The following ALPK2 variants were observed in gnomAD, a reference collection of about 807,000 sequenced individuals.
ALPK2 encodes the protein alpha kinase 2, also known as alpha-protein kinase 2.
In ALPK2, 127 loss-of-function variants were observed where a neutral mutation model predicts 163.1. The observed-to-expected ratio is 0.78, with a 90% CI of 0.67 to 0.90. The LOEUF is 0.90. Ranked by LOEUF, ALPK2 falls within the 40% of genes least tolerant of loss-of-function variation. ALPK2 has a pLI of 0.00. For synonymous variants in ALPK2, 953 were observed against 959.1 expected, an observed-to-expected ratio of 0.99 and a Z score of 0.12; for missense variants, 2,360 against 2,589.6, an observed-to-expected ratio of 0.91 and a Z score of 1.92.
intron 3 of ALPK2, among the ~76,000 whole-genome samples, chr18:58,590,218 TAAAA>T (rs11286325): frequency 1.1e-4 from 11 of 97,228 alleles, no homozygotes; most frequent in Admixed American, 2.2e-4. Flanking sequence ...AGGCTCCATC[TAAAA>T]AAAAAAAAAA....
At position 58,536,473 on chromosome 18, in the gene ALPK2, A is replaced by C; in HGVS notation, c.3714T>G (p.Ile1238Met). 4 of 1,614,020 alleles carry C rather than the reference A, an allele frequency of 2.5e-6. No individual in the cohort carries two copies. The highest frequency in any genetic ancestry group is 3.4e-6 in the Non-Finnish European group (4 of 1,180,022). ...GNWEAGNKLK[I>M]ITLEASASEI... ...CAGAAGCGGAAGCCTCTAGAGTTATAATCTTCAGCTTGTTGCCTGCCTCCC... is the reference window on the plus strand; with the variant it reads ...CAGAAGCGGAAGCCTCTAGAGTTATCATCTTCAGCTTGTTGCCTGCCTCCC... The change falls in exon 5 of 13, where the codon ATT becomes ATG. Residue 1238 changes from isoleucine (I) to methionine (M), a missense_variant. Transcript: ENST00000361673.
intron 8 of ALPK2, among the ~76,000 whole-genome samples, chr18:58,523,473 C>T (rs1342281818): frequency 1.3e-5 from 2 of 152,126 alleles, no homozygotes; most frequent in African/African-American, 4.8e-5. Flanking sequence ...AGTTCTAGAT[C>T]CCTGAGGAAT....
intron 11 of ALPK2, among the ~76,000 whole-genome samples, chr18:58,500,271 C>T (rs1053865548): frequency 2.1e-5 from 3 of 146,106 alleles, no homozygotes; most frequent in Non-Finnish European, 3.0e-5. Context: ...AAATTGCAAA[C>T]GCTGTCTCTG....
At chr18:58,517,917 TA>T (rs1568072348) in intron 8 of ALPK2, among the ~76,000 whole-genome samples, 1 of 152,108 alleles carries the variant, frequency 6.6e-6, no homozygotes, top group Non-Finnish European at 1.5e-5. Context: ...AAAGTAGAAT[TA>T]TTTTAAGTTT....
intron 4 of ALPK2, chr18:58,578,425 T>C (rs2051933252): frequency 6.1e-6 from 1 of 162,732 alleles, no homozygotes; most frequent in African/African-American, 2.4e-5. Flanking sequence ...CTTCTTCCTT[T>C]AAAGGCTACA....
intron 1 of ALPK2, among the ~76,000 whole-genome samples, chr18:58,627,204 A>T (rs1218559633): frequency 6.6e-6 from 1 of 152,234 alleles, no homozygotes; most frequent in African/African-American, 2.4e-5. Context: ...ACAAGTGTTC[A>T]GGAGGCTGTT....
At chr18:58,502,227 C>T (rs2051436130) in intron 11 of ALPK2, among the ~76,000 whole-genome samples, 1 of 151,544 alleles carries the variant, frequency 6.6e-6, no homozygotes, top group South Asian at 2.1e-4. Flanking sequence ...TGATGGCATA[C>T]TCCCGTAGTC....
chr18:58,543,432 G>A (rs2051701870), intron 4 of ALPK2: 1 of 985,104 alleles, frequency 1.0e-6, no homozygotes, highest in South Asian at 4.7e-5. Context: ...GTTGATACAG[G>A]CAGGAGGCTT....
chr18:58,562,263 C>G (rs548013318), intron 4 of ALPK2, among the ~76,000 whole-genome samples: 24 of 152,324 alleles, frequency 1.6e-4, no homozygotes, highest in African/African-American at 5.3e-4. Context: ...GATGGCAACA[C>G]TTCTGTTTCT....
intron 4 of ALPK2, among the ~76,000 whole-genome samples, chr18:58,538,731 A>G (rs888930330): frequency 2.0e-5 from 3 of 152,126 alleles, no homozygotes; most frequent in Non-Finnish European, 4.4e-5. Context: ...CCTCATGTTG[A>G]AATTTGATCC....
At chr18:58,559,710 T>C (rs1043800800) in intron 4 of ALPK2, among the ~76,000 whole-genome samples, 1 of 152,146 alleles carries the variant, frequency 6.6e-6, no homozygotes, top group African/African-American at 2.4e-5. Flanking sequence ...GCCAGGTAGA[T>C]TGCCATTTTT....
intron 4 of ALPK2, among the ~76,000 whole-genome samples, chr18:58,539,219 A>G (rs529906559): frequency 7.9e-5 from 12 of 152,346 alleles, no homozygotes; most frequent in Non-Finnish European, 1.6e-4. Flanking sequence ...TCTTTCCTAG[A>G]GAAGCTTATA....
intron 3 of ALPK2, among the ~76,000 whole-genome samples, chr18:58,597,116 C>T (rs1482839062): frequency 3.9e-5 from 6 of 152,120 alleles, no homozygotes; most frequent in Non-Finnish European, 7.4e-5. Context: ...GGTGAAACCC[C>T]GTCTCTACTA....
intron 3 of ALPK2, among the ~76,000 whole-genome samples, chr18:58,601,179 C>T (rs985394063): frequency 2.0e-5 from 3 of 152,022 alleles, no homozygotes; most frequent in Admixed American, 1.3e-4. Flanking sequence ...TTGCTTGAAC[C>T]TGGGAGGTGG....
chr18:58,583,534 C>A (rs2051970365), intron 3 of ALPK2, among the ~76,000 whole-genome samples: 1 of 152,074 alleles, frequency 6.6e-6, no homozygotes, highest in Non-Finnish European at 1.5e-5. Context: ...GCACTACAAG[C>A]TGAGCACAGT....
intron 11 of ALPK2, among the ~76,000 whole-genome samples, chr18:58,502,192 AAG>A (rs1254603188): frequency 2.9e-4 from 44 of 151,064 alleles, no homozygotes; most frequent in African/African-American, 1.1e-3. Context: ...AGAAAAAAAA[AAG>A]GAAAGAAAAA....
chr18:58,512,777 G>T (rs938012278), intron 10 of ALPK2, among the ~76,000 whole-genome samples: 1 of 148,294 alleles, frequency 6.7e-6, no homozygotes, highest in Non-Finnish European at 1.5e-5. Context: ...TGTGTGTGGT[G>T]TGTGTGGTGT....
intron 6 of ALPK2, among the ~76,000 whole-genome samples, chr18:58,527,107 T>C (rs145159336): frequency 1.9e-3 from 294 of 151,382 alleles, no homozygotes; most frequent in Non-Finnish European, 2.8e-3. Context: ...CTTGCCATTG[T>C]ACAGGTTCCC....
intron 3 of ALPK2, among the ~76,000 whole-genome samples, chr18:58,583,112 G>T (rs2051967602): frequency 6.6e-6 from 1 of 152,184 alleles, no homozygotes; most frequent in Non-Finnish European, 1.5e-5. Context: ...GTATGGCTTT[G>T]CAGGGCCATT....
Sources: gnomAD v4.1 joint callset for allele counts (sites outside exome capture counted in the v4.1 genomes callset) on GRCh38, gnomAD v4.1.1 for gene constraint, MANE v1.5 for transcripts, NCBI Gene and HGNC (gene_info 2026-07-23, HGNC 2026-07-21) for gene names.